Variants in DCC observed in about 807,000 individuals in gnomAD.
DCC encodes netrin receptor DCC.
A neutral mutation model predicts 172.5 loss-of-function variants in DCC; 58 were observed. The observed-to-expected ratio is 0.34, with a 90% confidence interval of 0.27 to 0.42. The LOEUF is 0.42. Among genes scored for constraint, DCC ranks in the 10% least tolerant of loss-of-function variants. The probability of loss-of-function intolerance (pLI) is 1.00; values close to 1 mark genes in which losing one functional copy is unlikely to be tolerated. For synonymous variants in DCC, 709 were observed against 644.5 expected (o/e 1.10, Z -1.52); for missense variants, 1,740 against 1,791.0 (o/e 0.97, Z 0.51).
At chr18:52,957,680 C>A (rs529292161) in intron 5 of DCC, among the ~76,000 whole-genome samples, 2 of 151,954 alleles carry the variant, frequency 1.3e-5, no homozygotes, top group East Asian at 3.9e-4. Flanking sequence ...TCAGGAAGGA[C>A]CATGAGAAAT....
intron 1 of DCC, among the ~76,000 whole-genome samples, chr18:52,525,450 T>C (rs2031953800): frequency 6.6e-6 from 1 of 152,202 alleles, no homozygotes; most frequent in African/African-American, 2.4e-5. Context: ...GCCACTCACA[T>C]GCTTTTGTAA....
chr18:52,963,825 C>CAATT (rs1261610754), intron 5 of DCC, among the ~76,000 whole-genome samples: 4 of 128,950 alleles, frequency 3.1e-5, no homozygotes, highest in African/African-American at 8.8e-5. Context: ...CTGATTATCT[C>CAATT]TAGTTTTTTT....
At chr18:53,380,582 C>G (rs1320893296) in intron 15 of DCC, among the ~76,000 whole-genome samples, 1 of 152,094 alleles carries the variant, frequency 6.6e-6, no homozygotes, top group African/African-American at 2.4e-5. Flanking sequence ...CTAGACTCCC[C>G]AAAAGATGTT....
chr18:53,136,287 T>G (rs544049742), intron 7 of DCC, among the ~76,000 whole-genome samples: 15 of 152,156 alleles, frequency 9.9e-5, no homozygotes, highest in African/African-American at 3.6e-4. Context: ...ATCAATATTA[T>G]ATGCCCATCG....
chr18:52,735,536 A>G (rs2036713567), intron 1 of DCC, among the ~76,000 whole-genome samples: 1 of 152,074 alleles, frequency 6.6e-6, no homozygotes, highest in Non-Finnish European at 1.5e-5. Flanking sequence ...TGAGTCCCAA[A>G]ACCTCCAAAA....
chr18:53,351,352 CAGTATATATATATACTGTATATATATAT>C (rs2057799048), intron 15 of DCC, among the ~76,000 whole-genome samples: 1 of 47,836 alleles, frequency 2.1e-5, no homozygotes, highest in East Asian at 3.1e-4. Context: ...TATATATACA[CAGTATATATATATACTGTATATATATAT>C]ACAGTATATA....
intron 5 of DCC, among the ~76,000 whole-genome samples, chr18:52,979,650 G>A (rs569824888): frequency 6.6e-6 from 1 of 152,274 alleles, no homozygotes; most frequent in African/African-American, 2.4e-5. Context: ...CTTTTGCATA[G>A]CTTGTGTTCA....
intron 1 of DCC, among the ~76,000 whole-genome samples, chr18:52,399,748 C>T (rs1986365916): frequency 6.6e-6 from 1 of 151,804 alleles, no homozygotes; most frequent in Non-Finnish European, 1.5e-5. Flanking sequence ...AGTGTTTTTC[C>T]ATTATAAAGC....
intron 2 of DCC, among the ~76,000 whole-genome samples, chr18:52,819,914 G>A (rs1006232568): frequency 1.3e-5 from 2 of 151,942 alleles, no homozygotes; most frequent in African/African-American, 2.4e-5. Context: ...TAGAGATGGG[G>A]TTTCACCGTA....
chr18:53,014,015 C>A (rs1033296063), intron 5 of DCC, among the ~76,000 whole-genome samples: 1 of 152,076 alleles, frequency 6.6e-6, no homozygotes, highest in Admixed American at 6.6e-5. Flanking sequence ...GAAATGGATA[C>A]TATTTTGTAA....
intron 5 of DCC, among the ~76,000 whole-genome samples, chr18:53,060,375 C>T (rs956606013): frequency 2.6e-5 from 4 of 152,044 alleles, no homozygotes; most frequent in Non-Finnish European, 4.4e-5. Context: ...CTTCAACTCC[C>T]CATTTAAGTG....
In DCC at chr18:53,084,810, T is replaced by C. The variant is rs73465148; in HGVS notation, c.1261+18644T>C. The stretch of plus-strand genomic sequence containing the variant: ...ACACTGAGTTTGCAGTGATTTGTTA[T>C]AGCAGCTGTAGGAAACAAAATTTGA... On this transcript the variant is annotated intron_variant, in intron 7 of 28. Transcript: ENST00000442544. 9.4e-3 allele frequency among the ~76,000 whole-genome samples: 1,431 copies of C among 152,346 alleles called. 24 individuals are homozygous for C. The highest frequency in any genetic ancestry group is 0.032 in the African/African-American group (1,343 of 41,576).
intron 2 of DCC, among the ~76,000 whole-genome samples, chr18:52,838,789 A>C (rs541694968): frequency 1.3e-5 from 2 of 152,328 alleles, no homozygotes; most frequent in Admixed American, 1.3e-4. Context: ...ACAACAGTGA[A>C]TTTCATAGGA....
intron 5 of DCC, among the ~76,000 whole-genome samples, chr18:52,938,054 A>G (rs1160996090): frequency 6.6e-6 from 1 of 152,056 alleles, no homozygotes; most frequent in Non-Finnish European, 1.5e-5. Context: ...CATCATAATC[A>G]TTGTTTTTTA....
At chr18:52,515,102 A>G (rs1457684718) in intron 1 of DCC, among the ~76,000 whole-genome samples, 1 of 152,230 alleles carries the variant, frequency 6.6e-6, no homozygotes, top group African/African-American at 2.4e-5. Context: ...AGACATATAG[A>G]ACAATGGAAC....
chr18:52,932,874 AT>A (rs1287634995), intron 5 of DCC, among the ~76,000 whole-genome samples: 1 of 151,622 alleles, frequency 6.6e-6, no homozygotes, highest in East Asian at 1.9e-4. Context: ...TAAACTTATT[AT>A]TTTCTTTCAA....
chr18:53,259,290 C>A (rs921130685), intron 12 of DCC, among the ~76,000 whole-genome samples: 3 of 152,074 alleles, frequency 2.0e-5, no homozygotes, highest in Non-Finnish European at 2.9e-5. Context: ...TAGTTGATGC[C>A]GTTTCTTCCT....
chr18:52,842,170 C>T (rs2038817969), intron 2 of DCC, among the ~76,000 whole-genome samples: 2 of 152,100 alleles, frequency 1.3e-5, no homozygotes, highest in Non-Finnish European at 2.9e-5. Flanking sequence ...TCCTTTCAAA[C>T]ATAATTTCTT....
At chr18:53,079,365 TC>T (rs2144129944) in intron 7 of DCC, among the ~76,000 whole-genome samples, 1 of 152,240 alleles carries the variant, frequency 6.6e-6, no homozygotes, top group South Asian at 2.1e-4. Context: ...TTTTAGATCT[TC>T]TTTAATACGC....
Sources: allele counts gnomAD v4.1 joint callset (sites outside exome capture counted in the v4.1 genomes callset), GRCh38; gene constraint gnomAD v4.1.1; transcripts MANE v1.5; gene names NCBI Gene and HGNC (gene_info 2026-07-23, HGNC 2026-07-21).